SPMAP2L: variants seen among roughly 807,000 people sequenced by gnomAD.
SPMAP2L encodes the protein sperm microtubule associated protein 2 like.
the SPMAP2L span, among the ~76,000 whole-genome samples, chr4:56,573,486 T>C: frequency 0.73 from 110,508 of 151,918 alleles, 40,975 homozygotes; most frequent in African/African-American, 0.88. Flanking sequence ...CTCGGCTCTA[T>C]TCTCCAAGCA....
the SPMAP2L span, chr4:56,575,750 T>C: frequency 9.4e-7 from 1 of 1,068,498 alleles, no homozygotes; most frequent in Non-Finnish European, 1.3e-6. Flanking sequence ...AGAGTCCACT[T>C]GTGTTCCAAA....
chr4:56,592,239 C>T, the SPMAP2L span, among the ~76,000 whole-genome samples: 1 of 152,196 alleles, frequency 6.6e-6, no homozygotes, highest in African/African-American at 2.4e-5. Flanking sequence ...CTAAACCATC[C>T]TTTTCCCAAC....
the SPMAP2L span, among the ~76,000 whole-genome samples, chr4:56,587,367 C>T: frequency 6.6e-6 from 1 of 152,050 alleles, no homozygotes; most frequent in Non-Finnish European, 1.5e-5. Context: ...TGTTTGGTTA[C>T]ATGAGTAAGT....
At chr4:56,593,728 G>A in the SPMAP2L span, 2 of 1,572,940 alleles carry the variant, frequency 1.3e-6, no homozygotes, top group Non-Finnish European at 1.8e-6. Flanking sequence ...ACGCCACTGG[G>A]AAAGAAGTGT....
chr4:56,573,016 CAAAA>C, the SPMAP2L span, among the ~76,000 whole-genome samples: 1 of 112,558 alleles, frequency 8.9e-6, no homozygotes, highest in Admixed American at 9.5e-5. Flanking sequence ...ACTCTATCTC[CAAAA>C]AAAAAAAAAA....
At chr4:56,587,512 C>G in the SPMAP2L span, among the ~76,000 whole-genome samples, 1 of 148,390 alleles carries the variant, frequency 6.7e-6, no homozygotes, top group East Asian at 2.1e-4. Flanking sequence ...TTGTATCATT[C>G]TTATGCCTTT....
the SPMAP2L span, chr4:56,594,209 C>G: frequency 3.1e-6 from 5 of 1,611,364 alleles, no homozygotes; most frequent in Middle Eastern, 1.7e-4. Context: ...GAGGACCAGC[C>G]CGTTCCTCAC....
the SPMAP2L span, among the ~76,000 whole-genome samples, chr4:56,556,938 A>C: frequency 1.3e-5 from 2 of 152,008 alleles, no homozygotes; most frequent in East Asian, 3.9e-4. Context: ...CTATTGTTTG[A>C]GTTGTGAAAG....
chr4:56,539,330 C>T, the SPMAP2L span, among the ~76,000 whole-genome samples: 1,211 of 152,344 alleles, frequency 7.9e-3, 16 homozygotes, highest in African/African-American at 0.028. Flanking sequence ...AACACATCCA[C>T]AGCATACAAA....
At chr4:56,543,901 T>A in the SPMAP2L span, among the ~76,000 whole-genome samples, 221 of 108,126 alleles carry the variant, frequency 2.0e-3, 1 homozygote, top group African/African-American at 5.7e-3. Flanking sequence ...AGAGAGTGTG[T>A]GTGTGTGTGT....
At chr4:56,624,458 G>A in the SPMAP2L span, among the ~76,000 whole-genome samples, 1 of 152,184 alleles carries the variant, frequency 6.6e-6, no homozygotes, top group East Asian at 1.9e-4. Flanking sequence ...AGACCATGGG[G>A]AAAATGTCTC....
chr4:56,613,007 C>G, the SPMAP2L span, among the ~76,000 whole-genome samples: 1 of 152,116 alleles, frequency 6.6e-6, no homozygotes, highest in Non-Finnish European at 1.5e-5. Flanking sequence ...CCTGCTCCAT[C>G]TCATCACAGC....
chr4:56,563,533 C>T, the SPMAP2L span, among the ~76,000 whole-genome samples: 1 of 152,046 alleles, frequency 6.6e-6, no homozygotes, highest in African/African-American at 2.4e-5. Flanking sequence ...TGGATACAGG[C>T]AGTGAGGGAG....
chr4:56,611,183 G>A, the SPMAP2L span, among the ~76,000 whole-genome samples: 2 of 152,152 alleles, frequency 1.3e-5, no homozygotes, highest in African/African-American at 2.4e-5. Context: ...TCAAAAATGT[G>A]GAACCAACCC....
the SPMAP2L span, among the ~76,000 whole-genome samples, chr4:56,606,303 G>A: frequency 2.8e-4 from 43 of 152,108 alleles, no homozygotes; most frequent in African/African-American, 8.9e-4. Flanking sequence ...TAAGAACTGC[G>A]CATTTGCTCT....
the SPMAP2L span, chr4:56,593,753 C>T: frequency 1.9e-6 from 3 of 1,570,118 alleles, no homozygotes; most frequent in Non-Finnish European, 2.6e-6. Flanking sequence ...TCTTGCTCTT[C>T]AAACCAGGGA....
At chr4:56,559,171 C>T in the SPMAP2L span, among the ~76,000 whole-genome samples, 164 of 151,456 alleles carry the variant, frequency 1.1e-3, 1 homozygote, top group African/African-American at 3.6e-3. Flanking sequence ...TGTGGTGGTG[C>T]GTGCCTGTAA....
At chr4:56,608,136 C>T in the SPMAP2L span, among the ~76,000 whole-genome samples, 8 of 151,762 alleles carry the variant, frequency 5.3e-5, no homozygotes, top group Non-Finnish European at 1.0e-4. Flanking sequence ...AAAAAAAGAA[C>T]CTTGGTTACA....
chr4:56,549,675 A>C, the SPMAP2L span, among the ~76,000 whole-genome samples: 6 of 152,198 alleles, frequency 3.9e-5, no homozygotes, highest in Admixed American at 1.3e-4. Flanking sequence ...CAAAATCTGA[A>C]ACTTTTTGAG....
Sources: allele counts gnomAD v4.1 joint callset (sites outside exome capture counted in the v4.1 genomes callset), GRCh38; gene constraint gnomAD v4.1.1; transcripts MANE v1.5; gene names NCBI Gene and HGNC (gene_info 2026-07-23, HGNC 2026-07-21).